The following TMED3 variants were observed in gnomAD, a reference collection of about 807,000 sequenced individuals.
TMED3 encodes the protein transmembrane emp24 domain-containing protein 3.
TMED3 carries 9 observed loss-of-function variants against 15.0 expected under a neutral mutation model. The ratio of observed to expected loss-of-function variants is 0.60; its 90% confidence interval spans 0.36 to 1.04. The LOEUF (loss-of-function observed/expected upper bound fraction) is 1.04, where lower values mean the gene tolerates loss of function less well. Among genes scored for constraint, TMED3 ranks in the 50% least tolerant of loss-of-function variants. TMED3 has a pLI of 0.01. For missense variants in TMED3, 267 were observed against 278.9 expected, an observed-to-expected ratio of 0.96 and a Z score of 0.30; for synonymous variants, 117 against 121.4, an observed-to-expected ratio of 0.96 and a Z score of 0.24.
rs571422712 is a variant in TMED3 at position 79,368,397 on chromosome 15, C to T, written c.418-43003C>T. ...TGCTCCAGCCAAAGACCACTGAGAA[C>T]TCCTTTAGTGAAAAAGGTGGGGTTT... On this transcript the variant is annotated intron_variant, in intron 2 of 2. Transcript: ENST00000424155. 1.8e-3 allele frequency among the ~76,000 whole-genome samples: 275 copies of T among 152,306 alleles called. 3 individuals are homozygous for T. The highest frequency in any genetic ancestry group is 6.5e-3 in the African/African-American group (269 of 41,540).
intron 2 of TMED3, among the ~76,000 whole-genome samples, chr15:79,355,570 G>C (rs1197867957): frequency 6.6e-6 from 1 of 152,176 alleles, no homozygotes; most frequent in Non-Finnish European, 1.5e-5. Context: ...ACAATAACCA[G>C]TTGTCCGACA....
chr15:79,395,362 G>A (rs976806217), intron 2 of TMED3, among the ~76,000 whole-genome samples: 4 of 152,020 alleles, frequency 2.6e-5, no homozygotes, highest in African/African-American at 9.7e-5. Flanking sequence ...TGTATTTTTA[G>A]TAGAGACAGG....
At chr15:79,359,253 G>A (rs1341421898) in intron 2 of TMED3, among the ~76,000 whole-genome samples, 1 of 114,878 alleles carries the variant, frequency 8.7e-6, no homozygotes, top group Non-Finnish European at 1.8e-5. Context: ...TTTTTTTTGA[G>A]ACGGAGTCTT....
chr15:79,386,933 T>A (rs1893634325), intron 2 of TMED3, among the ~76,000 whole-genome samples: 1 of 140,216 alleles, frequency 7.1e-6, no homozygotes, highest in South Asian at 2.2e-4. Context: ...AATCTTTTAA[T>A]CTTTTTTTTT....
chr15:79,321,675 T>TC (rs1309750534), intron 2 of TMED3, among the ~76,000 whole-genome samples: 3 of 152,148 alleles, frequency 2.0e-5, no homozygotes, highest in African/African-American at 4.8e-5. Context: ...TCCGTGCCTA[T>TC]CAGGAGTATT....
At chr15:79,372,981 T>G (rs1053785072) in intron 2 of TMED3, among the ~76,000 whole-genome samples, 2 of 152,224 alleles carry the variant, frequency 1.3e-5, no homozygotes, top group African/African-American at 4.8e-5. Context: ...GATCCACAAT[T>G]TTTTGATTTA....
chr15:79,379,046 C>G (rs1893475269), intron 2 of TMED3, among the ~76,000 whole-genome samples: 1 of 152,138 alleles, frequency 6.6e-6, no homozygotes, highest in Admixed American at 6.5e-5. Flanking sequence ...AATGATGTTT[C>G]CCATTCATAA....
intron 2 of TMED3, among the ~76,000 whole-genome samples, chr15:79,314,917 T>A (rs1165357455): frequency 6.6e-6 from 1 of 152,230 alleles, no homozygotes; most frequent in East Asian, 1.9e-4. Context: ...TTTACTTTTG[T>A]ATCCTCAGTG....
chr15:79,336,846 A>G (rs2058829069), intron 2 of TMED3, among the ~76,000 whole-genome samples: 1 of 152,262 alleles, frequency 6.6e-6, no homozygotes, highest in African/African-American at 2.4e-5. Flanking sequence ...ATAGAGGGAC[A>G]TAGATATTTC....
At chr15:79,403,848 C>T (rs575950527) in intron 2 of TMED3, among the ~76,000 whole-genome samples, 1 of 152,298 alleles carries the variant, frequency 6.6e-6, no homozygotes, top group African/African-American at 2.4e-5. Context: ...ACCACTGCTA[C>T]TTCTGTCTCT....
At chr15:79,361,163 A>G (rs1052923790) in intron 2 of TMED3, among the ~76,000 whole-genome samples, 3 of 152,316 alleles carry the variant, frequency 2.0e-5, no homozygotes, top group South Asian at 4.1e-4. Context: ...GGGCCTGCCC[A>G]TATGTCACTG....
rs1893558783 is a variant in TMED3 at position 79,382,811 on chromosome 15, G to A, written c.418-28589G>A. 3.3e-5 allele frequency among the ~76,000 whole-genome samples: 5 copies of A among 152,262 alleles called. No individual in the cohort carries two copies. In the South Asian group the frequency reaches 1.0e-3, roughly 32 times the overall value. Reference sequence around the variant, plus strand: ...TGAATTTCAATCAGATCATCTACTTGTGAAGTAGTGTTTTCAGATATAGGT... The same window carrying A: ...TGAATTTCAATCAGATCATCTACTTATGAAGTAGTGTTTTCAGATATAGGT... On this transcript the variant is annotated intron_variant, in intron 2 of 2. Transcript: ENST00000424155.
At position 79,357,544 on chromosome 15, in the gene TMED3, G is replaced by A. The variant is rs4294801; in HGVS notation, c.417+43539G>A. Among the ~76,000 whole-genome samples, 274 of 141,628 alleles carry A rather than the reference G, an allele frequency of 1.9e-3. 4 individuals are homozygous for A. The highest frequency in any genetic ancestry group is 6.8e-3 in the African/African-American group (259 of 38,142). 92.9% of individuals were successfully genotyped at this position (141,628 alleles called of 152,430 possible). ...TTAAACTTTTTTTTTTTTTAAAGCA[G>A]AACACGTCTTCTTGAACTAGTGTTA... is the stretch of plus-strand genomic sequence containing the variant. On this transcript the variant is annotated intron_variant, in intron 2 of 2. Transcript: ENST00000424155.
chr15:79,345,617 T>C (rs776735433), intron 2 of TMED3, among the ~76,000 whole-genome samples: 20 of 152,216 alleles, frequency 1.3e-4, no homozygotes, highest in Non-Finnish European at 2.2e-4. Flanking sequence ...AATATACACA[T>C]ACATGTGTCT....
At chr15:79,410,470 C>G (rs922397916) in intron 2 of TMED3, among the ~76,000 whole-genome samples, 2 of 152,066 alleles carry the variant, frequency 1.3e-5, no homozygotes, top group African/African-American at 4.8e-5. Flanking sequence ...CAAAAGAGCA[C>G]AACTATCACA....
At chr15:79,372,957 A>G (rs890234935) in intron 2 of TMED3, among the ~76,000 whole-genome samples, 3 of 152,212 alleles carry the variant, frequency 2.0e-5, no homozygotes, top group African/African-American at 7.2e-5. Flanking sequence ...TTGTCTGATC[A>G]GCTTTAAATA....
At chr15:79,394,023 C>A (rs1455081751) in intron 2 of TMED3, among the ~76,000 whole-genome samples, 1 of 152,122 alleles carries the variant, frequency 6.6e-6, no homozygotes, top group African/African-American at 2.4e-5. Context: ...ATTCTCCTTT[C>A]TACCTCTAAT....
chr15:79,366,124 G>A lies in TMED3; in HGVS notation c.418-45276G>A, dbSNP rs1057160748. On this transcript the variant is annotated intron_variant, in intron 2 of 2. Coordinates refer to the TMED3 transcript ENST00000424155. ...CTTTCTTTATGACCCAGCACATAGG[G>A]CCCTCCTGTGTAGGTAATGTATATA... Among the ~76,000 whole-genome samples the A allele has an allele frequency of 4.6e-5, 7 of 152,212 alleles. No homozygotes were observed. In the East Asian group the frequency reaches 1.4e-3, roughly 29 times the overall value.
intron 2 of TMED3, among the ~76,000 whole-genome samples, chr15:79,360,307 G>A (rs1452357582): frequency 1.3e-5 from 2 of 152,138 alleles, no homozygotes; most frequent in East Asian, 3.9e-4. Flanking sequence ...CATCTTACAT[G>A]GATATTAAAG....
Sources: allele counts gnomAD v4.1 joint callset (sites outside exome capture counted in the v4.1 genomes callset), GRCh38; gene constraint gnomAD v4.1.1; transcripts MANE v1.5; gene names NCBI Gene and HGNC (gene_info 2026-07-23, HGNC 2026-07-21).